The following SGTA variants were observed in gnomAD, a reference collection of about 807,000 sequenced individuals.
SGTA encodes small glutamine-rich tetratricopeptide repeat-containing protein alpha.
In SGTA, 22 loss-of-function variants were observed where a neutral mutation model predicts 44.3. That is an observed-to-expected ratio of 0.50 (90% CI 0.36 to 0.71). The LOEUF (loss-of-function observed/expected upper bound fraction) is 0.71, where lower values mean the gene tolerates loss of function less well. SGTA is among the 30% of genes least tolerant of loss of function. The pLI, the probability that SGTA is intolerant of heterozygous loss-of-function variation, is 0.00. For missense variants in SGTA, 341 were observed against 435.9 expected (o/e 0.78, Z 1.94); for synonymous variants, 174 against 177.6 (o/e 0.98, Z 0.16).
chr19:2,761,413 G>T lies in SGTA; in HGVS notation c.699+47C>A. ...AGCGGACACAGCAGATGCGGGCCTG[G>T]GGGGTGGCGCAGACACCATGGACAG... On this transcript the variant is annotated intron_variant, in intron 8 of 11. Transcript: ENST00000221566. This position sits in a 1 kb window ranked among gnomAD's most constrained non-coding sequence, Gnocchi z 5.7. 6.7e-7 allele frequency: 1 copy of T among 1,485,756 alleles called. No individual in the cohort carries two copies. Among genetic ancestry groups the T allele is most frequent in the Non-Finnish European group, 9.2e-7 (1 of 1,087,962 alleles). 92.0% of individuals were successfully genotyped at this position (1,485,756 alleles called of 1,614,324 possible). A position where few individuals can be genotyped will look rare whatever the true frequency, so the allele number is the denominator to read the frequency against.
intron 1 of SGTA, among the ~76,000 whole-genome samples, chr19:2,781,455 A>C (rs1279412574): frequency 6.6e-6 from 1 of 152,222 alleles, no homozygotes. Context: ...AATCAACTAC[A>C]GGTAACGCAT....
intron 9 of SGTA, among the ~76,000 whole-genome samples, chr19:2,758,625 C>T (rs1252770742): frequency 3.9e-5 from 6 of 152,140 alleles, no homozygotes; most frequent in African/African-American, 1.4e-4. Flanking sequence ...CCAGCGAGTG[C>T]ACTCAGAAGT....
intron 1 of SGTA, among the ~76,000 whole-genome samples, chr19:2,779,245 G>T (rs928887611): frequency 6.6e-6 from 1 of 152,082 alleles, no homozygotes; most frequent in Non-Finnish European, 1.5e-5. Flanking sequence ...GGCTATTCTG[G>T]GTTTCAGAAC....
At chr19:2,769,672 C>T (rs1041660381) in intron 1 of SGTA, among the ~76,000 whole-genome samples, 6 of 152,078 alleles carry the variant, frequency 3.9e-5, no homozygotes, top group Middle Eastern at 6.3e-3. Flanking sequence ...GCAGAGGACT[C>T]CCCCCAGGGA....
intron 1 of SGTA, chr19:2,777,805 C>A (rs2144741795): frequency 6.6e-6 from 1 of 152,040 alleles, no homozygotes; most frequent in South Asian, 2.1e-4. Context: ...AATCCCAGCA[C>A]TTTGGGAGGC....
Position 2,763,703 on chromosome 19 carries a change from C to T in SGTA, c.447G>A (p.Glu149=), listed in dbSNP as rs376501384. 1.9e-6 allele frequency: 3 copies of T among 1,613,770 alleles called. No homozygotes were observed. In the African/African-American group the frequency reaches 4.0e-5, roughly 22 times the overall value. Residue 149 remains glutamate, a synonymous_variant, in exon 6 of 12, where the codon GAG becomes GAA. Transcript: ENST00000221566. This position sits in a 1 kb window ranked among gnomAD's most constrained non-coding sequence, Gnocchi z 5.8. Reference sequence around the variant, plus strand: ...AGGCCGGGTCAATGCAGATGGCCCGCTCACAGTCCTGCACCGCGCCTGCGT... The same window carrying T: ...AGGCCGGGTCAATGCAGATGGCCCGTTCACAGTCCTGCACCGCGCCTGCGT... ...GNYAGAVQDC[E]RAICIDPAYS... is the part of the protein sequence containing the mutation.
At chr19:2,757,803 C>T in intron 9 of SGTA, 21 bp from the exon 10 acceptor site, 2 of 1,528,130 alleles carry the variant, frequency 1.3e-6, no homozygotes, top group South Asian at 2.5e-5. Context: ...GAGCGCGTGA[C>T]TCGCAGCCGG....
rs1383629559 is a variant in SGTA at position 2,763,775 on chromosome 19, G to A, written c.393-18C>T. On this transcript the variant is annotated intron_variant, in intron 5 of 11. Coordinates refer to ENST00000221566, the MANE Select transcript of SGTA (RefSeq NM_003021.4). The surrounding 1 kb of genome is among the most constrained non-coding windows in gnomAD (Gnocchi z 5.8). The stretch of plus-strand genomic sequence containing the variant: ...CTGCGGCTCTGGGGAAGAAAAGGCA[G>A]GGCAGGTCCCTCACTGGCGGCTCTG... 1 of 1,608,130 alleles carries A rather than the reference G, an allele frequency of 6.2e-7. No individual in the cohort carries two copies. The highest frequency in any genetic ancestry group is 1.7e-5 in the Admixed American group (1 of 59,702).
At chr19:2,768,569 C>A (rs1326427621) in intron 2 of SGTA, among the ~76,000 whole-genome samples, 1 of 152,226 alleles carries the variant, frequency 6.6e-6, no homozygotes, top group African/African-American at 2.4e-5. Flanking sequence ...ACAGGCCATG[C>A]AGGATGCCAA....
chr19:2,757,605 C>A (rs1599495380), intron 10 of SGTA, 88 bp downstream of exon 10: 1 of 1,444,386 alleles, frequency 6.9e-7, no homozygotes, highest in South Asian at 1.4e-5. Flanking sequence ...GCAGGGGACG[C>A]AGCACTTTCG....
At chr19:2,766,374 C>T (rs761821404) in intron 4 of SGTA, among the ~76,000 whole-genome samples, 6 of 152,128 alleles carry the variant, frequency 3.9e-5, no homozygotes, top group Non-Finnish European at 7.3e-5. Context: ...GCTGTGCTGA[C>T]CATTTAGCGT....
chr19:2,774,853 C>A (rs566143662), intron 1 of SGTA, among the ~76,000 whole-genome samples: 4 of 152,062 alleles, frequency 2.6e-5, no homozygotes, highest in Non-Finnish European at 5.9e-5. Flanking sequence ...AAGCTGTGTG[C>A]GCGCGCATGT....
intron 1 of SGTA, chr19:2,770,062 T>TC (rs1180658705): frequency 5.1e-5 from 3 of 59,174 alleles, no homozygotes; most frequent in South Asian, 9.5e-4. Context: ...CCCGCCTGGT[T>TC]CCCCCCCGGA....
Position 2,767,275 on chromosome 19 carries a change from C to A in SGTA, c.208-55G>T. 1 of 1,402,712 alleles carries A rather than the reference C, an allele frequency of 7.1e-7. No homozygotes were observed. Among genetic ancestry groups the A allele is most frequent in the East Asian group, 2.4e-5 (1 of 41,262 alleles). The allele number at this position is 1,402,712 out of a possible 1,614,324, so 86.9% of individuals were successfully genotyped here. A position where few individuals can be genotyped will look rare whatever the true frequency, so the allele number is the denominator to read the frequency against. ...TCCTCTCCTCCCAACCTGGCACCCT[C>A]CGGCCTTAGCTTCCCTCGGGACGCC... is the stretch of plus-strand genomic sequence containing the variant. On this transcript the variant is annotated intron_variant, in intron 3 of 11. Coordinates refer to ENST00000221566, the MANE Select transcript of SGTA (RefSeq NM_003021.4). This position sits in a 1 kb window ranked among gnomAD's most constrained non-coding sequence, Gnocchi z 7.3.
intron 4 of SGTA, among the ~76,000 whole-genome samples, chr19:2,766,194 C>T (rs1039337819): frequency 1.3e-5 from 2 of 151,848 alleles, no homozygotes; most frequent in Admixed American, 6.6e-5. Flanking sequence ...CCAGCCTGGG[C>T]GACAGAGCGA....
intron 4 of SGTA, among the ~76,000 whole-genome samples, chr19:2,766,845 G>A (rs988330812): frequency 2.6e-5 from 4 of 151,914 alleles, no homozygotes; most frequent in East Asian, 1.9e-4. Flanking sequence ...TGGAACCGGC[G>A]GGTCTCATGG....
Position 2,765,669 on chromosome 19 carries a change from G to A in SGTA, c.293-384C>T, listed in dbSNP as rs1391789040. Among the ~76,000 whole-genome samples the A allele has an allele frequency of 6.6e-6, 1 of 152,158 alleles. No homozygotes were observed. Among genetic ancestry groups the A allele is most frequent in the Non-Finnish European group, 1.5e-5 (1 of 68,020 alleles). On this transcript the variant is annotated intron_variant, in intron 4 of 11. Coordinates refer to ENST00000221566, the MANE Select transcript of SGTA (RefSeq NM_003021.4). The surrounding 1 kb of genome is among the most constrained non-coding windows in gnomAD (Gnocchi z 5.5). ...TGCTTTTGGAAAGAGCCCAAGTGGA[G>A]GCCTGTATTTTGGAATACTCATGTG... is the stretch of plus-strand genomic sequence containing the variant.
At chr19:2,760,908 C>G (rs1289694699) in intron 8 of SGTA, among the ~76,000 whole-genome samples, 1 of 152,184 alleles carries the variant, frequency 6.6e-6, no homozygotes, top group Admixed American at 6.5e-5. Flanking sequence ...CACAGACCTC[C>G]CAGGAAATGA....
Position 2,757,702 on chromosome 19 carries a change from A to T in SGTA, c.818T>A (p.Leu273His). The T allele has an allele frequency of 6.3e-7, 1 of 1,585,742 alleles. No homozygotes were observed. The highest frequency in any genetic ancestry group is 8.6e-7 in the Non-Finnish European group (1 of 1,167,564). Residue 273 changes from leucine to histidine, a missense_variant, in exon 10 of 12, where the codon CTC becomes CAC. Coordinates refer to ENST00000221566, the MANE Select transcript of SGTA (RefSeq NM_003021.4). ...TSPSQNDLAS[L>H]IQAGQQFAQQ... ...AAGCAGTTCCACTCACGCCTGGATG[A>T]GGCTGGCCAGGTCGTTCTGCGAGGG... is the stretch of plus-strand genomic sequence containing the variant.
Sources: allele counts gnomAD v4.1 joint callset (sites outside exome capture counted in the v4.1 genomes callset), GRCh38; gene constraint gnomAD v4.1.1; non-coding constraint Gnocchi (gnomAD v3.1); transcripts MANE v1.5; gene names NCBI Gene and HGNC (gene_info 2026-07-23, HGNC 2026-07-21).